Variants in BRAF observed in about 807,000 individuals in gnomAD.
BRAF encodes B-Raf proto-oncogene, serine/threonine kinase.
In BRAF, 16 loss-of-function variants were observed where a neutral mutation model predicts 104.6. The ratio of observed to expected loss-of-function variants is 0.15; its 90% CI spans 0.10 to 0.23. The LOEUF (loss-of-function observed/expected upper bound fraction) is 0.23. Ranked by LOEUF, BRAF falls within the 10% of genes least tolerant of loss-of-function variation. The pLI is 1.00. For missense variants in BRAF, 541 were observed against 937.3 expected (o/e 0.58, Z 5.52); for synonymous variants, 310 against 341.6 (o/e 0.91, Z 1.02).
At chr7:140,879,507 G>T (rs1812633627) in intron 1 of BRAF, among the ~76,000 whole-genome samples, 1 of 138,846 alleles carries the variant, frequency 7.2e-6, no homozygotes, top group African/African-American at 2.7e-5. Context: ...CAACAAAAAA[G>T]TGTAGCTATA....
At position 140,722,355 on chromosome 7, in the gene BRAF, TA is replaced by T. The variant is rs1795363088; in HGVS notation, c.*4138del. On this transcript the variant is annotated 3_prime_UTR_variant, in exon 20 of 20. Coordinates refer to ENST00000644969, the MANE Select transcript of BRAF (RefSeq NM_001374258.1). The stretch of plus-strand genomic sequence containing the variant: ...CTAAAAATTATTAACACAGCTGAGT[TA>T]AACCAGAGTGGCTGCTCTCTTCACA... 9.5e-7 allele frequency: 1 copy of T among 1,054,826 alleles called. No homozygotes were observed. The highest frequency in any genetic ancestry group is 5.4e-5 in the East Asian group (1 of 18,628). 65.3% of individuals were successfully genotyped at this position (1,054,826 alleles called of 1,614,324 possible).
intron 8 of BRAF, among the ~76,000 whole-genome samples, chr7:140,792,186 T>C (rs545749443): frequency 6.6e-6 from 1 of 152,332 alleles, no homozygotes; most frequent in African/African-American, 2.4e-5. Flanking sequence ...ACCAATGCTA[T>C]TACTTGAGTT....
rs755298519 is a variant in BRAF, at chr7:140,800,391, G to T, written c.951C>A (p.Ser317=). 2.1e-5 allele frequency: 34 copies of T among 1,614,040 alleles called. No individual in the cohort carries two copies. In the Admixed American group the frequency reaches 2.7e-4, roughly 13 times the overall value. The change falls in exon 7 of 20, where the codon TCC becomes TCA. Residue 317 remains serine, a synonymous_variant. Transcript: ENST00000644969. ...TAGAGTCCGAGGCGGGTGCGGAAGG[G>T]GATGATCCAGATGTTAGGGCAGTCT... The part of the protein sequence containing the change: ...LAETALTSGS[S]PSAPASDSIG...
At position 140,727,311 on chromosome 7, in the gene BRAF, G is replaced by A. The variant is rs1795658268; in HGVS notation, c.2402-795C>T. Among the ~76,000 whole-genome samples, 3 of 151,470 alleles carry A rather than the reference G, an allele frequency of 2.0e-5. No individual in the cohort carries two copies. The Admixed American group carries it at 2.0e-4, about 10-fold the overall frequency. On this transcript the variant is annotated intron_variant, in intron 19 of 19. Transcript: ENST00000644969. The stretch of plus-strand genomic sequence containing the variant: ...TGATTCTCCTGCCTCAGCCTCCCAA[G>A]TAGCTGGGATTACAGGCATCCGCCA...
chr7:140,812,881 C>T (rs1421501567), intron 3 of BRAF, among the ~76,000 whole-genome samples: 4 of 151,908 alleles, frequency 2.6e-5, no homozygotes, highest in Admixed American at 1.3e-4. Flanking sequence ...GAATAAACTA[C>T]AAATGGATCA....
chr7:140,879,810 C>T (rs1485376560), intron 1 of BRAF, among the ~76,000 whole-genome samples: 5 of 151,346 alleles, frequency 3.3e-5, no homozygotes, highest in African/African-American at 4.9e-5. Context: ...TGGCTCACTG[C>T]AACCTCTGCC....
In BRAF at chr7:140,801,577, C is replaced by G; in HGVS notation, c.712-17G>C. 6.2e-7 allele frequency: 1 copy of G among 1,607,972 alleles called. No individual in the cohort carries two copies. The highest frequency in any genetic ancestry group is 1.3e-5 in the African/African-American group (1 of 74,610). ...TTTTCGTACCTGCAAAGTAAAAAAT[C>G]ACAGAGATTTCAAAAACTCACAAGA... On this transcript the variant is annotated splice_polypyrimidine_tract_variant and intron_variant, in intron 5 of 19. Transcript: ENST00000644969.
chr7:140,767,836 C>G (rs527965423), intron 14 of BRAF, among the ~76,000 whole-genome samples: 63 of 152,302 alleles, frequency 4.1e-4, no homozygotes, highest in Non-Finnish European at 7.5e-4. Context: ...AAAGCTGCAA[C>G]CTCACAGGGT....
chr7:140,899,612 T>C (rs1433188873), intron 1 of BRAF, among the ~76,000 whole-genome samples: 1 of 152,224 alleles, frequency 6.6e-6, no homozygotes, highest in Non-Finnish European at 1.5e-5. Context: ...AAGGGTCATT[T>C]CATATGTTTA....
intron 3 of BRAF, among the ~76,000 whole-genome samples, chr7:140,829,547 A>C (rs533812291): frequency 6.6e-6 from 1 of 152,182 alleles, no homozygotes; most frequent in Admixed American, 6.5e-5. Context: ...TACCTATTAT[A>C]TTCCACTGAA....
chr7:140,759,159 A>G (rs1191569412), intron 14 of BRAF, among the ~76,000 whole-genome samples: 2 of 152,228 alleles, frequency 1.3e-5, no homozygotes, highest in African/African-American at 4.8e-5. Flanking sequence ...GGCAAATATG[A>G]AGAAGATGCT....
At chr7:140,762,620 T>C in intron 14 of BRAF, among the ~76,000 whole-genome samples, 1 of 151,182 alleles carries the variant, frequency 6.6e-6, no homozygotes, top group Non-Finnish European at 1.5e-5. Context: ...TTTTTTTTTT[T>C]TTTTTAATTG....
At chr7:140,823,735 T>C (rs1805720007) in intron 3 of BRAF, 1 of 152,248 alleles carries the variant, frequency 6.6e-6, no homozygotes, top group South Asian at 2.1e-4. Flanking sequence ...GGAACCTCTA[T>C]ACTGTTTTCC....
At chr7:140,787,789 A>G (rs181204812) in intron 8 of BRAF, among the ~76,000 whole-genome samples, 1 of 152,330 alleles carries the variant, frequency 6.6e-6, no homozygotes, top group East Asian at 1.9e-4. Flanking sequence ...GTAAACCTAT[A>G]ATGAAACAAT....
intron 17 of BRAF, among the ~76,000 whole-genome samples, chr7:140,744,109 A>T (rs561262636): frequency 4.6e-5 from 7 of 152,296 alleles, no homozygotes; most frequent in African/African-American, 1.2e-4. Flanking sequence ...GTGTCTGTTT[A>T]TCTGGGGGCC....
intron 19 of BRAF, among the ~76,000 whole-genome samples, chr7:140,730,199 C>T (rs1795858186): frequency 6.6e-6 from 1 of 151,608 alleles, no homozygotes; most frequent in Non-Finnish European, 1.5e-5. Flanking sequence ...TACCCGTCTT[C>T]TATTTGAAGA....
At chr7:140,889,751 A>G (rs1814000926) in intron 1 of BRAF, among the ~76,000 whole-genome samples, 1 of 152,224 alleles carries the variant, frequency 6.6e-6, no homozygotes, top group Non-Finnish European at 1.5e-5. Context: ...CCATCAGTCA[A>G]AAGTCAGTGA....
intron 1 of BRAF, among the ~76,000 whole-genome samples, chr7:140,868,120 G>A (rs1811180870): frequency 6.6e-6 from 1 of 152,168 alleles, no homozygotes; most frequent in Non-Finnish European, 1.5e-5. Flanking sequence ...ACATGAATGA[G>A]CACAGCCAAA....
chr7:140,770,520 G>C (rs1302124885), intron 14 of BRAF, among the ~76,000 whole-genome samples: 1 of 134,590 alleles, frequency 7.4e-6, no homozygotes, highest in African/African-American at 3.3e-5. Context: ...GAAATTATAA[G>C]GCCTGCCAAA....
Sources: allele counts gnomAD v4.1 joint callset (sites outside exome capture counted in the v4.1 genomes callset), GRCh38; gene constraint gnomAD v4.1.1; transcripts MANE v1.5; gene names NCBI Gene and HGNC (gene_info 2026-07-23, HGNC 2026-07-21).